Variants in NCAM1 observed in about 807,000 individuals in gnomAD.
NCAM1 encodes the protein neural cell adhesion molecule 1, also known as antigen recognized by monoclonal antibody 5.1H11.
A neutral mutation model predicts 109.8 loss-of-function variants in NCAM1; 14 were observed. The observed-to-expected ratio is 0.13, with a 90% CI of 0.08 to 0.20. The LOEUF (loss-of-function observed/expected upper bound fraction) is 0.20. NCAM1 is among the 10% of genes least tolerant of loss of function. NCAM1 has a pLI of 1.00. For synonymous variants in NCAM1, 418 were observed against 442.9 expected, an observed-to-expected ratio of 0.94 and a Z score of 0.70; for missense variants, 774 against 1,109.9, an observed-to-expected ratio of 0.70 and a Z score of 4.30.
At chr11:113,030,173 G>A (rs142151080) in intron 1 of NCAM1, among the ~76,000 whole-genome samples, 4 of 152,330 alleles carry the variant, frequency 2.6e-5, no homozygotes, top group Non-Finnish European at 2.9e-5. Flanking sequence ...TACCGTTGCT[G>A]TGATGGTCAG....
At chr11:113,099,678 T>C (rs1476322229) in intron 1 of NCAM1, among the ~76,000 whole-genome samples, 4 of 152,164 alleles carry the variant, frequency 2.6e-5, no homozygotes, top group Admixed American at 2.0e-4. Flanking sequence ...GGGCTTTTTA[T>C]GTATTTATTT....
intron 16 of NCAM1, among the ~76,000 whole-genome samples, chr11:113,259,548 T>TG (rs1392607084): frequency 6.6e-6 from 1 of 152,150 alleles, no homozygotes; most frequent in Non-Finnish European, 1.5e-5. Context: ...CTTGAGTCTC[T>TG]GCATGCCCTG....
At chr11:112,981,544 T>C (rs893968975) in intron 1 of NCAM1, among the ~76,000 whole-genome samples, 4 of 151,864 alleles carry the variant, frequency 2.6e-5, no homozygotes, top group Non-Finnish European at 4.4e-5. Flanking sequence ...AGATACCCCA[T>C]AGAATACTGA....
intron 17 of NCAM1, 82 bp downstream of exon 17, chr11:113,260,405 C>T: frequency 7.0e-7 from 1 of 1,435,582 alleles, no homozygotes; most frequent in Non-Finnish European, 9.5e-7. Flanking sequence ...CTGAACAACC[C>T]TGACAACTTG....
chr11:113,156,310 A>C (rs1436769572), intron 1 of NCAM1, among the ~76,000 whole-genome samples: 1 of 152,180 alleles, frequency 6.6e-6, no homozygotes, highest in Non-Finnish European at 1.5e-5. Context: ...GTTGAGTTTC[A>C]GGTAGTAGCA....
chr11:113,244,717 G>A (rs186566995), intron 14 of NCAM1, among the ~76,000 whole-genome samples: 133 of 151,576 alleles, frequency 8.8e-4, no homozygotes, highest in Non-Finnish European at 4.4e-4. Context: ...GGGAATAAAG[G>A]TATTCTAAAT....
chr11:113,219,643 A>T (rs1944628777), intron 8 of NCAM1, among the ~76,000 whole-genome samples: 1 of 152,254 alleles, frequency 6.6e-6, no homozygotes, highest in African/African-American at 2.4e-5. Flanking sequence ...GTAGAAGGTT[A>T]TGTTACTGGA....
intron 13 of NCAM1, among the ~76,000 whole-genome samples, chr11:113,234,283 C>G (rs1555117844): frequency 2.0e-5 from 3 of 148,732 alleles, no homozygotes; most frequent in Admixed American, 2.0e-4. Context: ...AAGATCAATT[C>G]TAGTTATTTT....
chr11:113,210,775 A>AACACAC (rs35387760), intron 7 of NCAM1, among the ~76,000 whole-genome samples: 12,173 of 130,742 alleles, frequency 0.093, 649 homozygotes, highest in Non-Finnish European at 0.12. Context: ...CTTCATCACA[A>AACACAC]ACACACACAC....
intron 1 of NCAM1, among the ~76,000 whole-genome samples, chr11:113,013,622 G>A (rs549360628): frequency 1.6e-4 from 24 of 151,968 alleles, no homozygotes; most frequent in African/African-American, 5.6e-4. Context: ...TTCCTCTATG[G>A]GAGATTTTTT....
At chr11:112,971,296 T>G (rs1334450611) in intron 1 of NCAM1, among the ~76,000 whole-genome samples, 1 of 151,982 alleles carries the variant, frequency 6.6e-6, no homozygotes, top group African/African-American at 2.4e-5. Context: ...TTGGTTGTAA[T>G]GGAAAATACA....
chr11:113,232,940 A>G, intron 12 of NCAM1, 126 bp downstream of exon 12: 2 of 1,027,386 alleles, frequency 1.9e-6, no homozygotes, highest in Non-Finnish European at 2.9e-6. Context: ...CAGCAAAGCC[A>G]GAGAGTTGGG....
chr11:112,968,295 A>G (rs150424766), intron 1 of NCAM1, among the ~76,000 whole-genome samples: 13 of 152,360 alleles, frequency 8.5e-5, no homozygotes, highest in African/African-American at 2.9e-4. Flanking sequence ...ATTACTAACT[A>G]GAAGAAAATA....
chr11:113,209,221 G>T (rs1214101651), intron 7 of NCAM1, among the ~76,000 whole-genome samples: 1 of 152,110 alleles, frequency 6.6e-6, no homozygotes, highest in Middle Eastern at 3.2e-3. Context: ...ATCAGGGTTG[G>T]GACCTGCTTA....
At chr11:113,110,526 G>C (rs553590989) in intron 1 of NCAM1, among the ~76,000 whole-genome samples, 2 of 152,286 alleles carry the variant, frequency 1.3e-5, no homozygotes, top group South Asian at 4.1e-4. Flanking sequence ...ATTCATATAG[G>C]GGGAGAGGAG....
rs536841670 is a variant in NCAM1 at position 113,097,676 on chromosome 11, T to C, written c.53-104703T>C. On this transcript the variant is annotated intron_variant, in intron 1 of 19. Coordinates refer to ENST00000316851, the MANE Select transcript of NCAM1 (RefSeq NM_181351.5). Reference sequence around the variant, plus strand: ...GTTTTTTAGAACATACTTTAGATAATTGTTAGTGAAAGCAATTAAATGGTT... The same window carrying C: ...GTTTTTTAGAACATACTTTAGATAACTGTTAGTGAAAGCAATTAAATGGTT... Among the ~76,000 whole-genome samples, 11 of 152,076 alleles carry C rather than the reference T, an allele frequency of 7.2e-5. No individual in the cohort carries two copies. The South Asian group carries it at 2.3e-3, about 32-fold the overall frequency.
chr11:113,115,712 G>A (rs1162547612), intron 1 of NCAM1, among the ~76,000 whole-genome samples: 4 of 152,176 alleles, frequency 2.6e-5, no homozygotes, highest in African/African-American at 9.7e-5. Context: ...CCACTCTGTG[G>A]ATGCTCTGAA....
intron 16 of NCAM1, among the ~76,000 whole-genome samples, chr11:113,257,501 A>G (rs1020284833): frequency 2.0e-5 from 3 of 152,226 alleles, no homozygotes; most frequent in African/African-American, 7.2e-5. Context: ...AATGGTCACT[A>G]TGGTTACTGC....
At chr11:113,083,627 A>G (rs1428663247) in intron 1 of NCAM1, among the ~76,000 whole-genome samples, 3 of 152,218 alleles carry the variant, frequency 2.0e-5, no homozygotes, top group African/African-American at 7.2e-5. Flanking sequence ...TATGTTTGGC[A>G]TGATTTTGCC....
Sources: allele counts gnomAD v4.1 joint callset (sites outside exome capture counted in the v4.1 genomes callset), GRCh38; gene constraint gnomAD v4.1.1; transcripts MANE v1.5; gene names NCBI Gene and HGNC (gene_info 2026-07-23, HGNC 2026-07-21).